The following RELN variants were observed in gnomAD, a reference collection of about 807,000 sequenced individuals.
The protein encoded by RELN is reelin.
Under a neutral mutation model 427.6 loss-of-function variants are expected in RELN, and 108 were observed. The ratio of observed to expected loss-of-function variants is 0.25; its 90% CI spans 0.22 to 0.30. RELN has a LOEUF of 0.30. RELN is among the 10% of genes least tolerant of loss of function. RELN has a pLI of 1.00. For missense variants in RELN, 3,715 were observed against 4,302.8 expected (o/e 0.86, Z 3.82); for synonymous variants, 1,524 against 1,513.4 (o/e 1.01, Z -0.16).
rs181596969 is a variant in RELN at position 103,629,241 on chromosome 7, C to A, written c.2702+699G>T. ...AGCCTACTCAACACTGTTGTATTAT[C>A]CTACTGATGTACATGAAGTACTAAT... On this transcript the variant is annotated intron_variant, in intron 20 of 64. Transcript: ENST00000428762. Among the ~76,000 whole-genome samples, 5 of 152,214 alleles carry A rather than the reference C, an allele frequency of 3.3e-5. No individual in the cohort carries two copies. The East Asian group carries it at 9.7e-4, about 29-fold the overall frequency.
chr7:103,935,061 G>A (rs916245236), intron 1 of RELN, among the ~76,000 whole-genome samples: 9 of 152,284 alleles, frequency 5.9e-5, no homozygotes, highest in Admixed American at 2.6e-4. Flanking sequence ...ACCTGGAACC[G>A]AGTGCTTCAT....
intron 3 of RELN, among the ~76,000 whole-genome samples, chr7:103,815,014 A>T (rs573363213): frequency 6.6e-6 from 1 of 152,354 alleles, no homozygotes; most frequent in Non-Finnish European, 1.5e-5. Context: ...AAACATGGGC[A>T]GTCTTAAAAT....
At position 103,583,926 on chromosome 7, in the gene RELN, C is replaced by T. The variant is rs2535775; in HGVS notation, c.4145+5670G>A. 4.7e-3 allele frequency among the ~76,000 whole-genome samples: 720 copies of T among 152,320 alleles called. 5 individuals are homozygous for T. The highest frequency in any genetic ancestry group is 0.015 in the African/African-American group (644 of 41,560). On this transcript the variant is annotated intron_variant, in intron 28 of 64. Coordinates refer to ENST00000428762, the MANE Select transcript of RELN (RefSeq NM_005045.4). Reference sequence around the variant, plus strand: ...GGCAATGCACCAGACAGGGAACTCACGCTAGGTCACTCATGCCCCACTCCT... The same window carrying T: ...GGCAATGCACCAGACAGGGAACTCATGCTAGGTCACTCATGCCCCACTCCT...
chr7:103,659,013 T>C (rs1352054845), intron 12 of RELN, among the ~76,000 whole-genome samples: 1 of 151,676 alleles, frequency 6.6e-6, no homozygotes, highest in East Asian at 1.9e-4. Context: ...TGTCTTATGC[T>C]ACCTTCTGCT....
Position 103,566,371 on chromosome 7 carries a change from C to T in RELN, c.4789G>A (p.Gly1597Arg). 6.2e-7 allele frequency: 1 copy of T among 1,614,108 alleles called. No individual in the cohort carries two copies. The highest frequency in any genetic ancestry group is 1.1e-5 in the South Asian group (1 of 91,078). ...CCAGTTTGAGAGCTGTCATTCATTC[C>T]TATAAGAACATCATCCAAAGCCCAC... ...AQWALDDVLI[G>R]MNDSSQTGFQ... The change falls in exon 33 of 65, where the codon GGA (glycine) becomes AGA (arginine). Residue 1597 changes from glycine (G) to arginine (R), a missense_variant. By Grantham distance (125) the Gly-to-Arg change is moderately radical. Transcript: ENST00000428762.
At chr7:103,761,132 G>A (rs558269791) in intron 4 of RELN, among the ~76,000 whole-genome samples, 3 of 152,236 alleles carry the variant, frequency 2.0e-5, no homozygotes, top group African/African-American at 7.2e-5. Flanking sequence ...ACCTCAACTT[G>A]ATTTATGTCT....
At chr7:103,630,853 T>G (rs1488205365) in intron 19 of RELN, among the ~76,000 whole-genome samples, 2 of 86,448 alleles carry the variant, frequency 2.3e-5, no homozygotes, top group Admixed American at 1.1e-4. Flanking sequence ...ATTTTTTTGT[T>G]TTTTTTGTTT....
At chr7:103,564,630 G>T (rs1177347700) in intron 34 of RELN, among the ~76,000 whole-genome samples, 1 of 152,062 alleles carries the variant, frequency 6.6e-6, no homozygotes, top group African/African-American at 2.4e-5. Context: ...AGATGTAGGA[G>T]GCTGGGAAAT....
chr7:103,955,533 C>A (rs1796415724), intron 1 of RELN, among the ~76,000 whole-genome samples: 1 of 152,152 alleles, frequency 6.6e-6, no homozygotes, highest in East Asian at 1.9e-4. Context: ...GACTTACAAC[C>A]TTCTCCAGTT....
intron 10 of RELN, 135 bp from the exon 11 acceptor site, chr7:103,682,396 G>T: frequency 1.1e-6 from 1 of 888,952 alleles, no homozygotes; most frequent in Non-Finnish European, 1.8e-6. Context: ...AATCAAAAGA[G>T]CTTGTTACCT....
At chr7:103,676,205 A>C (rs971132000) in intron 11 of RELN, among the ~76,000 whole-genome samples, 2 of 152,054 alleles carry the variant, frequency 1.3e-5, no homozygotes, top group East Asian at 1.9e-4. Flanking sequence ...AAAAATAAAA[A>C]AACCCCATCA....
intron 8 of RELN, among the ~76,000 whole-genome samples, chr7:103,706,324 G>A (rs1375561530): frequency 6.6e-6 from 1 of 152,054 alleles, no homozygotes; most frequent in Non-Finnish European, 1.5e-5. Flanking sequence ...AGTGGAGTTA[G>A]AAATTTAATT....
At position 103,535,443 on chromosome 7, in the gene RELN, G is replaced by T; in HGVS notation, c.7222C>A (p.His2408Asn). ...GGCAGACAGTCCCTTACCAATGGGT[G>T]CCATGACAATCCAAGATCTACTGAG... ...EYSVDLGLSW[H>N]PLVRDCLPTN... Residue 2408 changes from histidine (H) to asparagine (N), a missense_variant, in exon 46 of 65, where the codon CAC becomes AAC. This residue lies in a region of RELN where 1,310 missense variants were observed against 1,643.0 expected (regional missense o/e 0.80). Coordinates refer to ENST00000428762, the MANE Select transcript of RELN (RefSeq NM_005045.4). 6.2e-7 allele frequency: 1 copy of T among 1,613,998 alleles called. No homozygotes were observed. The highest frequency in any genetic ancestry group is 1.1e-5 in the South Asian group (1 of 91,072).
At chr7:103,518,901 A>G (rs1400173508) in intron 49 of RELN, among the ~76,000 whole-genome samples, 1 of 152,126 alleles carries the variant, frequency 6.6e-6, no homozygotes, top group Non-Finnish European at 1.5e-5. Context: ...TTTAAAAATA[A>G]TCTCTAGGCT....
In RELN at chr7:103,542,827, C is replaced by G. The variant is rs1309424440; in HGVS notation, c.6575G>C (p.Arg2192Pro). 8 of 1,613,904 alleles carry G rather than the reference C, an allele frequency of 5.0e-6. No homozygotes were observed. Among genetic ancestry groups the G allele is most frequent in the South Asian group, 1.1e-5 (1 of 91,072 alleles). The change falls in exon 43 of 65, where the codon CGA becomes CCA. Residue 2192 changes from arginine (R) to proline (P), a missense_variant. By Grantham distance (103) the Arg-to-Pro change is moderately radical. Coordinates refer to ENST00000428762, the MANE Select transcript of RELN (RefSeq NM_005045.4). ...FLLMSGGKPS[R>P]KCGILSSGNN... Reference sequence around the variant, plus strand: ...TCCACTAGAAAGGATTCCACACTTTCGAGATGGTTTCCCACCACTCATTAA... The same window carrying G: ...TCCACTAGAAAGGATTCCACACTTTGGAGATGGTTTCCCACCACTCATTAA...
At chr7:103,528,305 C>T (rs1364436382) in intron 46 of RELN, among the ~76,000 whole-genome samples, 2 of 152,170 alleles carry the variant, frequency 1.3e-5, no homozygotes, top group Admixed American at 6.5e-5. Flanking sequence ...AACAAACACA[C>T]ATTGTATAAT....
chr7:103,477,270 C>A lies in RELN; in HGVS notation c.10286+1119G>T, dbSNP rs574268889. ...GAACTGTTACTCTTTAAAGGAGACA[C>A]AATCTTAGTTCATTTATTATGATGA... On this transcript the variant is annotated intron_variant, in intron 64 of 64. Transcript: ENST00000428762. 8.5e-5 allele frequency among the ~76,000 whole-genome samples: 13 copies of A among 152,240 alleles called. No individual in the cohort carries two copies. The South Asian group carries it at 2.7e-3, about 32-fold the overall frequency.
chr7:103,594,498 TA>T lies in RELN; in HGVS notation c.3540-7del, dbSNP rs1409426922. 2 of 1,613,092 alleles carry T rather than the reference TA, an allele frequency of 1.2e-6. No homozygotes were observed. The highest frequency in any genetic ancestry group is 8.5e-7 in the Non-Finnish European group (1 of 1,179,606). On this transcript the variant is annotated splice_region_variant and splice_polypyrimidine_tract_variant and intron_variant, in intron 25 of 64. Transcript: ENST00000428762. ...GAAGCTCCAGATAGACAAATCTGAA[TA>T]AAAGTAAATCATTTACGGTTGGGAA...
intron 2 of RELN, among the ~76,000 whole-genome samples, chr7:103,864,202 C>T (rs201173977): frequency 1.8e-4 from 28 of 152,298 alleles, no homozygotes; most frequent in East Asian, 7.7e-4. Flanking sequence ...CAACTTTAAG[C>T]GACTAGCCCA....
Sources: gnomAD v4.1 joint callset for allele counts (sites outside exome capture counted in the v4.1 genomes callset) on GRCh38, gnomAD v4.1.1 for gene constraint, gnomAD v4.1.1 regional missense constraint, MANE v1.5 for transcripts, NCBI Gene and HGNC (gene_info 2026-07-23, HGNC 2026-07-21) for gene names.